Variants in TAF4B observed in about 807,000 individuals in gnomAD.
TAF4B encodes TATA-box binding protein associated factor 4b.
Under a neutral mutation model 86.4 loss-of-function variants are expected in TAF4B, and 38 were observed. The ratio of observed to expected loss-of-function variants is 0.44; its 90% confidence interval spans 0.34 to 0.58. The LOEUF (loss-of-function observed/expected upper bound fraction) is 0.58. Among genes scored for constraint, TAF4B ranks in the 20% least tolerant of loss-of-function variants. TAF4B has a pLI of 0.02. For missense variants in TAF4B, 988 were observed against 1,027.6 expected, an observed-to-expected ratio of 0.96 and a Z score of 0.53; for synonymous variants, 388 against 391.2, an observed-to-expected ratio of 0.99 and a Z score of 0.10.
At chr18:26,256,121 T>C (rs2056080669) in intron 1 of TAF4B, 2 of 1,581,724 alleles carry the variant, frequency 1.3e-6, no homozygotes, top group African/African-American at 2.7e-5. Flanking sequence ...AGCCCTTGCA[T>C]CTACCACATG....
chr18:26,264,513 A>G lies in TAF4B; in HGVS notation c.344-657A>G, dbSNP rs1171943786. On this transcript the variant is annotated intron_variant, in intron 1 of 14. Transcript: ENST00000269142. ...GATTGGTTATAGATTGTTGAACTATAGAGTGTGGTTTATGTTATCTGGCAT... is the reference window on the plus strand; with the variant it reads ...GATTGGTTATAGATTGTTGAACTATGGAGTGTGGTTTATGTTATCTGGCAT... 3.9e-5 allele frequency among the ~76,000 whole-genome samples: 6 copies of G among 152,332 alleles called. No homozygotes were observed. In the East Asian group the frequency reaches 7.7e-4, roughly 20 times the overall value.
At chr18:26,305,087 T>C (rs2056780574) in intron 9 of TAF4B, among the ~76,000 whole-genome samples, 1 of 152,214 alleles carries the variant, frequency 6.6e-6, no homozygotes, top group African/African-American at 2.4e-5. Context: ...TTTAGCAGTC[T>C]CTTCCTTTAT....
intron 8 of TAF4B, among the ~76,000 whole-genome samples, chr18:26,292,749 C>A (rs1183686795): frequency 2.0e-5 from 3 of 152,314 alleles, no homozygotes; most frequent in East Asian, 3.9e-4. Flanking sequence ...TCTCAAACTC[C>A]TGACCTCAAG....
intron 1 of TAF4B, among the ~76,000 whole-genome samples, chr18:26,233,036 C>T (rs542183442): frequency 6.6e-6 from 1 of 152,246 alleles, no homozygotes; most frequent in South Asian, 2.1e-4. Flanking sequence ...GACTAAGGTG[C>T]AGGTGCCTGT....
chr18:26,377,065 T>TA (rs2057447724), intron 14 of TAF4B, among the ~76,000 whole-genome samples: 1 of 152,114 alleles, frequency 6.6e-6, no homozygotes, highest in African/African-American at 2.4e-5. Context: ...TATATACTGT[T>TA]AGTTTCTGCT....
At chr18:26,377,628 T>G (rs1028573520) in intron 14 of TAF4B, among the ~76,000 whole-genome samples, 3 of 152,248 alleles carry the variant, frequency 2.0e-5, no homozygotes, top group Admixed American at 6.5e-5. Context: ...CTACTACTCT[T>G]CTGGCACAAA....
At chr18:26,265,990 G>GT (rs1310537452) in intron 2 of TAF4B, 1 of 152,074 alleles carries the variant, frequency 6.6e-6, no homozygotes, top group Non-Finnish European at 1.5e-5. Context: ...AGCCAGGCTG[G>GT]TTTTGAACTC....
rs535515016 is a variant in TAF4B, at chr18:26,315,419, A to T, written c.2002+21A>T. On this transcript the variant is annotated intron_variant, in intron 10 of 14. Transcript: ENST00000269142. ...CATTGGTAAGTGTAGAGTTATGATT[A>T]TTGACCTGATAGAGATGTCTGTTTG... The T allele has an allele frequency of 4.5e-6, 7 of 1,570,136 alleles. No individual in the cohort carries two copies. The African/African-American group carries it at 9.4e-5, about 21-fold the overall frequency.
chr18:26,273,023 C>G (rs1187053320), intron 3 of TAF4B, among the ~76,000 whole-genome samples: 4 of 152,032 alleles, frequency 2.6e-5, no homozygotes, highest in Admixed American at 2.0e-4. Context: ...GCCAGGTGAG[C>G]CTTTAGTTTA....
intron 9 of TAF4B, among the ~76,000 whole-genome samples, chr18:26,313,167 C>A (rs7235562): frequency 0.027 from 4,159 of 152,218 alleles, 177 homozygotes; most frequent in African/African-American, 0.095. Flanking sequence ...TTAGAAAGCA[C>A]CTAATCTGAG....
chr18:26,230,473 A>C (rs2055647971), intron 1 of TAF4B, among the ~76,000 whole-genome samples: 1 of 152,174 alleles, frequency 6.6e-6, no homozygotes, highest in South Asian at 2.1e-4. Flanking sequence ...GGGCTTTGTG[A>C]AATGAGGGGT....
chr18:26,330,636 T>C (rs191433295), intron 12 of TAF4B, among the ~76,000 whole-genome samples: 4 of 152,294 alleles, frequency 2.6e-5, no homozygotes, highest in African/African-American at 7.2e-5. Context: ...TTTATATATA[T>C]ACACACAAAT....
intron 14 of TAF4B, among the ~76,000 whole-genome samples, chr18:26,384,855 G>A (rs1978316385): frequency 2.0e-5 from 3 of 152,332 alleles, no homozygotes; most frequent in African/African-American, 7.2e-5. Flanking sequence ...GAGGCACAGA[G>A]AAATTAAGTA....
At chr18:26,289,565 C>T (rs1158102720) in intron 7 of TAF4B, among the ~76,000 whole-genome samples, 1 of 152,184 alleles carries the variant, frequency 6.6e-6, no homozygotes, top group African/African-American at 2.4e-5. Flanking sequence ...TGGCTCACTG[C>T]AGTCTTGACT....
intron 3 of TAF4B, among the ~76,000 whole-genome samples, chr18:26,269,616 A>G (rs2056287590): frequency 6.6e-6 from 1 of 152,230 alleles, no homozygotes; most frequent in Admixed American, 6.5e-5. Context: ...TTCATCTAAC[A>G]GAAATGATGA....
At chr18:26,258,729 T>C (rs2056121185) in intron 1 of TAF4B, among the ~76,000 whole-genome samples, 1 of 152,150 alleles carries the variant, frequency 6.6e-6, no homozygotes, top group Non-Finnish European at 1.5e-5. Context: ...AAGGTCTTGC[T>C]CTGTTGGCTG....
intron 14 of TAF4B, among the ~76,000 whole-genome samples, chr18:26,387,869 T>C (rs1204749215): frequency 6.6e-6 from 1 of 152,214 alleles, no homozygotes; most frequent in Non-Finnish European, 1.5e-5. Context: ...AAAGAAGTTT[T>C]ATTTGTCCGT....
At chr18:26,245,656 T>C (rs912265657) in intron 1 of TAF4B, among the ~76,000 whole-genome samples, 4 of 152,234 alleles carry the variant, frequency 2.6e-5, no homozygotes, top group African/African-American at 7.2e-5. Flanking sequence ...ATTGGTGATT[T>C]TTAGAATGCT....
intron 3 of TAF4B, among the ~76,000 whole-genome samples, chr18:26,270,687 A>G (rs1462471810): frequency 6.6e-6 from 1 of 150,908 alleles, no homozygotes; most frequent in African/African-American, 2.5e-5. Flanking sequence ...AATCTTTACT[A>G]AGCTTAAACT....
Sources: gnomAD v4.1 joint callset for allele counts (sites outside exome capture counted in the v4.1 genomes callset) on GRCh38, gnomAD v4.1.1 for gene constraint, MANE v1.5 for transcripts, NCBI Gene and HGNC (gene_info 2026-07-23, HGNC 2026-07-21) for gene names.